Variants in WIPF3 observed in about 807,000 individuals in gnomAD.
WIPF3 encodes WAS/WASL interacting protein family member 3.
WIPF3 carries 33 observed loss-of-function variants against 38.9 expected under a neutral mutation model. That is an observed-to-expected ratio of 0.85 (90% confidence interval 0.64 to 1.14). WIPF3 has a LOEUF of 1.14. Ranked by LOEUF, WIPF3 falls within the 50% of genes most tolerant of loss-of-function variation. The probability of loss-of-function intolerance (pLI) is 0.00; values close to 1 mark genes in which losing one functional copy is unlikely to be tolerated. For synonymous variants in WIPF3, 324 were observed against 269.3 expected, an observed-to-expected ratio of 1.20 and a Z score of -1.99; for missense variants, 711 against 652.5, an observed-to-expected ratio of 1.09 and a Z score of -0.98.
chr7:29,872,868 C>T (rs1785524164), intron 2 of WIPF3, among the ~76,000 whole-genome samples: 1 of 147,590 alleles, frequency 6.8e-6, no homozygotes, highest in Non-Finnish European at 1.5e-5. Flanking sequence ...TCGGGGCGCT[C>T]ATCAGGGCCG....
chr7:29,884,624 G>A (rs754679672), intron 5 of WIPF3, 31 bp downstream of exon 5: 7 of 1,573,070 alleles, frequency 4.4e-6, no homozygotes, highest in South Asian at 2.4e-5. Context: ...CAGTGCCCCT[G>A]GTGGAGTGCG....
chr7:29,881,056 G>A (rs116653132), intron 4 of WIPF3, among the ~76,000 whole-genome samples: 1 of 152,120 alleles, frequency 6.6e-6, no homozygotes, highest in South Asian at 2.1e-4. Flanking sequence ...GGCCTGAAAG[G>A]CTCATCCGCA....
chr7:29,911,643 A>G (rs369781403), intron 8 of WIPF3, among the ~76,000 whole-genome samples: 9 of 152,334 alleles, frequency 5.9e-5, no homozygotes, highest in African/African-American at 1.9e-4. Context: ...ATGTATGGTC[A>G]AATGATTTTA....
At chr7:29,812,531 A>T (rs1026858986) in intron 1 of WIPF3, among the ~76,000 whole-genome samples, 4 of 152,232 alleles carry the variant, frequency 2.6e-5, no homozygotes, top group Admixed American at 6.5e-5. Flanking sequence ...GTGCAAATAG[A>T]TAAAGGAATT....
At chr7:29,904,533 C>A in intron 8 of WIPF3, 171 bp downstream of exon 8, 7 of 590,262 alleles carry the variant, frequency 1.2e-5, no homozygotes, top group African/African-American at 1.9e-5. Context: ...AAACACTCAC[C>A]ATTTCAAAAT....
intron 7 of WIPF3, among the ~76,000 whole-genome samples, chr7:29,900,722 C>T (rs915786112): frequency 6.6e-6 from 1 of 152,210 alleles, no homozygotes; most frequent in Non-Finnish European, 1.5e-5. Context: ...TCAGACAGCC[C>T]AACTCCTTCC....
At chr7:29,911,042 A>C (rs534168355) in intron 8 of WIPF3, among the ~76,000 whole-genome samples, 4 of 152,020 alleles carry the variant, frequency 2.6e-5, no homozygotes, top group Admixed American at 1.3e-4. Flanking sequence ...CAAAAAAAAA[A>C]CTGTTAGAAA....
chr7:29,875,306 A>G (rs1235736089), intron 2 of WIPF3, among the ~76,000 whole-genome samples: 1 of 152,142 alleles, frequency 6.6e-6, no homozygotes, highest in African/African-American at 2.4e-5. Flanking sequence ...TGAGCCACCC[A>G]GGACCCAATA....
At chr7:29,912,137 A>G (rs1562793407) in intron 8 of WIPF3, among the ~76,000 whole-genome samples, 1 of 152,220 alleles carries the variant, frequency 6.6e-6, no homozygotes, top group East Asian at 1.9e-4. Flanking sequence ...ACATTTCTCT[A>G]AAGAAGATAA....
rs1413770103 is a variant in WIPF3, at chr7:29,915,881, C to T, written c.*1365C>T. 1 of 152,436 alleles carries T rather than the reference C, an allele frequency of 6.6e-6. No homozygotes were observed. The highest frequency in any genetic ancestry group is 2.4e-5 in the African/African-American group (1 of 41,444). 9.4% of individuals were successfully genotyped at this position (152,436 alleles called of 1,614,324 possible). On this transcript the variant is annotated 3_prime_UTR_variant, in exon 9 of 9. Transcript: ENST00000242140. ...AAATCAGGCAGGGAGGGGAGGGAAA[C>T]CAGCGAAAAAGAAATTTGCTTTGCA...
chr7:29,853,139 G>C (rs573256693), intron 2 of WIPF3, among the ~76,000 whole-genome samples: 1 of 152,190 alleles, frequency 6.6e-6, no homozygotes, highest in Non-Finnish European at 1.5e-5. Context: ...ATGGGTGTAC[G>C]GGGAACTGGG....
chr7:29,845,631 C>T (rs55649450), intron 2 of WIPF3, among the ~76,000 whole-genome samples: 28,291 of 152,226 alleles, frequency 0.19, 2,822 homozygotes, highest in African/African-American at 0.24. Flanking sequence ...CACCTTTCAT[C>T]CCTAAGCTTG....
intron 1 of WIPF3, among the ~76,000 whole-genome samples, chr7:29,807,937 C>CT (rs1314791013): frequency 6.6e-6 from 1 of 152,188 alleles, no homozygotes; most frequent in African/African-American, 2.4e-5. Flanking sequence ...ATAGTTATCA[C>CT]TGGGACTCCT....
chr7:29,818,470 T>C (rs912980761), intron 1 of WIPF3, among the ~76,000 whole-genome samples: 10 of 149,686 alleles, frequency 6.7e-5, no homozygotes, highest in African/African-American at 2.4e-4. Context: ...ATAATTAAAA[T>C]AAAAAATAAA....
intron 2 of WIPF3, among the ~76,000 whole-genome samples, chr7:29,846,553 T>C (rs983440664): frequency 5.9e-5 from 9 of 152,218 alleles, no homozygotes; most frequent in Admixed American, 5.9e-4. Flanking sequence ...ATACGAGAAT[T>C]TGCTGGGCAT....
chr7:29,815,663 C>T (rs1335737512), intron 1 of WIPF3, among the ~76,000 whole-genome samples: 3 of 152,194 alleles, frequency 2.0e-5, no homozygotes, highest in African/African-American at 7.2e-5. Context: ...TGTGTTCTCA[C>T]AGTTAATAAA....
intron 1 of WIPF3, among the ~76,000 whole-genome samples, chr7:29,828,617 G>T (rs1016080254): frequency 2.0e-5 from 3 of 152,182 alleles, no homozygotes. Context: ...GGCCAATACT[G>T]GGCTCGTATT....
Position 29,884,169 on chromosome 7 carries a change from T to G in WIPF3, c.675T>G (p.Pro225=). The G allele has an allele frequency of 8.2e-7, 1 of 1,221,252 alleles. No individual in the cohort carries two copies. The highest frequency in any genetic ancestry group is 1.0e-6 in the Non-Finnish European group (1 of 958,902). 75.7% of individuals were successfully genotyped at this position (1,221,252 alleles called of 1,614,324 possible). ...VAPPVPCAPP[P]PPPPPPPTPP... ...CCCCCGTCCCCTGTGCGCCACCACC[T>G]CCACCTCCGCCACCTCCCCCAACGC... Residue 225 remains proline (P), a synonymous_variant, in exon 5 of 9, where the codon CCT becomes CCG. Transcript: ENST00000242140.
chr7:29,841,816 A>T (rs1784917580), intron 2 of WIPF3, among the ~76,000 whole-genome samples: 1 of 152,212 alleles, frequency 6.6e-6, no homozygotes, highest in Admixed American at 6.5e-5. Flanking sequence ...AATAAATAAA[A>T]AATAAAATCC....
Sources: allele counts gnomAD v4.1 joint callset (sites outside exome capture counted in the v4.1 genomes callset), GRCh38; gene constraint gnomAD v4.1.1; transcripts MANE v1.5; gene names NCBI Gene and HGNC (gene_info 2026-07-23, HGNC 2026-07-21).